Variants in ZFHX3 observed in about 807,000 individuals in gnomAD.
The protein encoded by ZFHX3 is zinc finger homeobox protein 3.
A neutral mutation model predicts 279.1 loss-of-function variants in ZFHX3; 42 were observed. That is an observed-to-expected ratio of 0.15 (90% CI 0.12 to 0.19). ZFHX3 has a LOEUF of 0.19. Ranked by LOEUF, ZFHX3 falls within the 10% of genes least tolerant of loss-of-function variation. The pLI is 1.00. For synonymous variants in ZFHX3, 2,293 were observed against 1,957.8 expected (o/e 1.17, Z -4.52); for missense variants, 4,981 against 4,754.0 (o/e 1.05, Z -1.40).
At chr16:73,818,508 G>A (rs1960643250) in intron 1 of ZFHX3, among the ~76,000 whole-genome samples, 1 of 152,142 alleles carries the variant, frequency 6.6e-6, no homozygotes, top group East Asian at 1.9e-4. Context: ...GCTCCTGTGA[G>A]GCTGAAACCT....
chr16:73,817,235 G>A (rs765069780), intron 1 of ZFHX3, among the ~76,000 whole-genome samples: 15 of 152,284 alleles, frequency 9.9e-5, no homozygotes, highest in Non-Finnish European at 2.1e-4. Context: ...CATGACTCAG[G>A]TCCAAAGTAA....
chr16:72,960,743 G>A (rs968439294), intron 1 of ZFHX3, among the ~76,000 whole-genome samples: 2 of 152,148 alleles, frequency 1.3e-5, no homozygotes, highest in South Asian at 2.1e-4. Flanking sequence ...AATTGCAGCC[G>A]TCGCTTTTAC....
Position 72,958,853 on chromosome 16 carries a change from T to G in ZFHX3, c.1293A>C (p.Ser431=). The G allele has an allele frequency of 6.2e-7, 1 of 1,613,860 alleles. No homozygotes were observed. The highest frequency in any genetic ancestry group is 8.5e-7 in the Non-Finnish European group (1 of 1,179,890). ...CTGCCGCCCCAGAGTCCTTGCCCTC[T>G]GAGGATTTGGTAGGACTGGAAGCCA... The part of the protein sequence containing the change: ...GPLASSPTKS[S]EGKDSGAAEG... The change falls in exon 2 of 10, where the codon TCA becomes TCC. Residue 431 remains serine, a synonymous_variant. Transcript: ENST00000268489.
chr16:73,305,402 A>T (rs2143145697), intron 4 of ZFHX3, among the ~76,000 whole-genome samples: 1 of 152,332 alleles, frequency 6.6e-6, no homozygotes, highest in Admixed American at 6.5e-5. Context: ...CCGGGCAATC[A>T]GTCCATGCAA....
Position 73,541,419 on chromosome 16 carries a change from G to A in ZFHX3, c.-1546-85161C>T, listed in dbSNP as rs1005892422. ...CAGGATCGCTTGAGCTCAGGAGGTCGAGGCTACAGTGAGCTGTGATCACAG... is the reference window on the plus strand; with the variant it reads ...CAGGATCGCTTGAGCTCAGGAGGTCAAGGCTACAGTGAGCTGTGATCACAG... On this transcript the variant is annotated intron_variant, in intron 2 of 17. Transcript: ENST00000641206. Among the ~76,000 whole-genome samples, 20 of 152,172 alleles carry A rather than the reference G, an allele frequency of 1.3e-4. No individual in the cohort carries two copies. The East Asian group carries it at 2.5e-3, about 19-fold the overall frequency.
chr16:73,803,637 C>T (rs942627952), intron 1 of ZFHX3, among the ~76,000 whole-genome samples: 1 of 152,090 alleles, frequency 6.6e-6, no homozygotes. Flanking sequence ...TCACCTAAAG[C>T]CTTATGAATA....
In ZFHX3 at chr16:72,788,701, G is replaced by A. The variant is rs777799914; in HGVS notation, c.9575C>T (p.Pro3192Leu). The A allele has an allele frequency of 6.2e-7, 1 of 1,612,296 alleles. No homozygotes were observed. The highest frequency in any genetic ancestry group is 1.1e-5 in the South Asian group (1 of 90,850). The change falls in exon 10 of 10, where the codon CCT (proline) becomes CTT (leucine). Residue 3192 changes from proline to leucine, a missense_variant. By Grantham distance (98) the Pro-to-Leu change is moderately conservative (BLOSUM62 -3). Coordinates refer to ENST00000268489, the MANE Select transcript of ZFHX3 (RefSeq NM_006885.4). ...CTGCTGCTGCTGGGGGGGTTGCTGA[G>A]GGCCCATCGCCATCGTGGCTTGTGC... ...TPAQATMAMG[P>L]QQPPQQQQQQ...
At chr16:72,839,811 T>C (rs1443069045) in intron 4 of ZFHX3, among the ~76,000 whole-genome samples, 1 of 152,122 alleles carries the variant, frequency 6.6e-6, no homozygotes, top group Non-Finnish European at 1.5e-5. Context: ...CCTGATGGGG[T>C]ACCCGTTCCC....
At chr16:73,149,877 G>T (rs1966898411) in intron 5 of ZFHX3, among the ~76,000 whole-genome samples, 1 of 152,170 alleles carries the variant, frequency 6.6e-6, no homozygotes, top group South Asian at 2.1e-4. Flanking sequence ...AGGCAGGTGT[G>T]TCTGGAGAAG....
chr16:72,965,174 T>G (rs1337870174), intron 1 of ZFHX3, among the ~76,000 whole-genome samples: 1 of 152,208 alleles, frequency 6.6e-6, no homozygotes, highest in Non-Finnish European at 1.5e-5. Flanking sequence ...CCACCGCACC[T>G]GGCCTGTTTT....
At chr16:73,738,863 T>C (rs949356808) in intron 1 of ZFHX3, among the ~76,000 whole-genome samples, 8 of 152,284 alleles carry the variant, frequency 5.3e-5, no homozygotes, top group Non-Finnish European at 8.8e-5. Context: ...CCGTGGAAGA[T>C]TACAAGATGG....
chr16:73,460,151 ACTC>A (rs1267350529), intron 2 of ZFHX3, among the ~76,000 whole-genome samples: 2 of 151,550 alleles, frequency 1.3e-5, no homozygotes, highest in African/African-American at 4.9e-5. Flanking sequence ...CTTGGCAACT[ACTC>A]CTCTGTTCTC....
intron 2 of ZFHX3, among the ~76,000 whole-genome samples, chr16:73,572,168 T>TAAAAA: frequency 7.1e-6 from 1 of 140,288 alleles, no homozygotes. Context: ...TAAATATTCT[T>TAAAAA]AAAAAAAAAA....
intron 2 of ZFHX3, among the ~76,000 whole-genome samples, chr16:73,562,323 C>G (rs556717983): frequency 4.0e-4 from 61 of 152,192 alleles, no homozygotes; most frequent in Admixed American, 1.2e-3. Context: ...AGGCCGGGCG[C>G]GGTGGCTCAC....
chr16:73,368,844 A>C (rs2016574462), intron 3 of ZFHX3, among the ~76,000 whole-genome samples: 1 of 152,216 alleles, frequency 6.6e-6, no homozygotes. Context: ...GGCAATTATT[A>C]CCAGCCCCAT....
intron 1 of ZFHX3, among the ~76,000 whole-genome samples, chr16:72,987,239 C>T (rs547112441): frequency 4.6e-5 from 7 of 152,314 alleles, no homozygotes; most frequent in African/African-American, 1.7e-4. Context: ...GCACCCATCC[C>T]TCACTCAACT....
chr16:73,445,653 A>G (rs944210460), intron 3 of ZFHX3, among the ~76,000 whole-genome samples: 12 of 152,148 alleles, frequency 7.9e-5, no homozygotes, highest in African/African-American at 2.9e-4. Flanking sequence ...GTTCCTCTGG[A>G]TTTGATCACT....
chr16:73,196,054 C>T (rs1322663512), intron 5 of ZFHX3, among the ~76,000 whole-genome samples: 1 of 151,794 alleles, frequency 6.6e-6, no homozygotes, highest in Non-Finnish European at 1.5e-5. Context: ...GTGTAAAACA[C>T]CAGAAGCTGT....
At chr16:73,281,049 G>T (rs1005235843) in intron 4 of ZFHX3, among the ~76,000 whole-genome samples, 1 of 147,454 alleles carries the variant, frequency 6.8e-6, no homozygotes, top group Non-Finnish European at 1.5e-5. Flanking sequence ...GGGGAGGGGA[G>T]GGGAGGGGAG....
Sources: allele counts gnomAD v4.1 joint callset (sites outside exome capture counted in the v4.1 genomes callset), GRCh38; gene constraint gnomAD v4.1.1; transcripts MANE v1.5; gene names NCBI Gene and HGNC (gene_info 2026-07-23, HGNC 2026-07-21).